The following AGBL3 variants were observed in gnomAD, a reference collection of about 807,000 sequenced individuals.
AGBL3 encodes AGBL carboxypeptidase 3, also known as cytosolic carboxypeptidase 3.
In AGBL3, 68 loss-of-function variants were observed where a neutral mutation model predicts 94.5. The observed-to-expected ratio is 0.72, with a 90% CI of 0.59 to 0.88. The LOEUF is 0.88. Ranked by LOEUF, AGBL3 falls within the 40% of genes least tolerant of loss-of-function variation. The probability of loss-of-function intolerance (pLI) is 0.00; values close to 1 mark genes in which losing one functional copy is unlikely to be tolerated. For synonymous variants in AGBL3, 354 were observed against 370.7 expected, an observed-to-expected ratio of 0.95 and a Z score of 0.52; for missense variants, 934 against 1,103.8, an observed-to-expected ratio of 0.85 and a Z score of 2.18.
chr7:135,063,764 T>C (rs980622988), intron 12 of AGBL3, among the ~76,000 whole-genome samples: 3 of 152,232 alleles, frequency 2.0e-5, no homozygotes, highest in Non-Finnish European at 4.4e-5. Context: ...TAGGTTTTGT[T>C]AGGACAGCAT....
chr7:135,082,105 T>C (rs775698081), intron 15 of AGBL3, among the ~76,000 whole-genome samples: 1 of 152,144 alleles, frequency 6.6e-6, no homozygotes, highest in Non-Finnish European at 1.5e-5. Context: ...TTTACTAAAT[T>C]GCAATATAAT....
chr7:135,009,099 A>G (rs1212180486), intron 4 of AGBL3, among the ~76,000 whole-genome samples: 2 of 152,186 alleles, frequency 1.3e-5, no homozygotes, highest in African/African-American at 2.4e-5. Flanking sequence ...TTGAGTTACT[A>G]TTTGACCCAG....
rs1816110431 is a variant in AGBL3 at position 135,034,587 on chromosome 7, T to C, written c.996T>C (p.Leu332=). ...AAATACGTGTTTTGTGCCACACGCT[T>C]GCTAGGAACATGGTGTATATTTTAA... The part of the protein sequence containing the change: ...FCKIRVLCHT[L]ARNMVYILTI... Residue 332 remains leucine (L), a synonymous_variant, in exon 7 of 17, where the codon CTT becomes CTC. Coordinates refer to ENST00000436302, the MANE Select transcript of AGBL3 (RefSeq NM_178563.4). 7 of 1,551,830 alleles carry C rather than the reference T, an allele frequency of 4.5e-6. No homozygotes were observed. Among genetic ancestry groups the C allele is most frequent in the Non-Finnish European group, 6.1e-6 (7 of 1,146,994 alleles).
At chr7:135,081,847 T>C in intron 15 of AGBL3, 57 bp downstream of exon 15, 1 of 1,123,642 alleles carries the variant, frequency 8.9e-7, no homozygotes, top group Non-Finnish European at 1.3e-6. Context: ...CTGAATGTTA[T>C]TTTTCTCTCT....
chr7:135,134,516 T>C (rs1829211117), intron 16 of AGBL3, among the ~76,000 whole-genome samples: 1 of 152,138 alleles, frequency 6.6e-6, no homozygotes, highest in African/African-American at 2.4e-5. Context: ...ACAACTACTT[T>C]ACTTTTTAGT....
chr7:135,082,846 T>C (rs1821032856), intron 15 of AGBL3, among the ~76,000 whole-genome samples: 2 of 152,172 alleles, frequency 1.3e-5, no homozygotes, highest in Admixed American at 1.3e-4. Flanking sequence ...TGTGTATATA[T>C]ACATATACAT....
chr7:135,100,898 T>C (rs898854973), intron 15 of AGBL3, among the ~76,000 whole-genome samples: 11 of 152,204 alleles, frequency 7.2e-5, no homozygotes, highest in African/African-American at 2.7e-4. Context: ...TTATGTAACA[T>C]GGGAATAACA....
chr7:135,078,946 TC>T (rs1345772604), intron 13 of AGBL3, among the ~76,000 whole-genome samples: 3 of 152,196 alleles, frequency 2.0e-5, no homozygotes, highest in Admixed American at 6.5e-5. Flanking sequence ...CATCAATACA[TC>T]CCTAAAATAA....
At chr7:135,096,367 C>G (rs573503278) in intron 15 of AGBL3, among the ~76,000 whole-genome samples, 3 of 144,856 alleles carry the variant, frequency 2.1e-5, no homozygotes, top group East Asian at 2.1e-4. Flanking sequence ...GAGAGACAGA[C>G]AGACAGACAG....
chr7:135,090,448 G>T (rs980703111), intron 15 of AGBL3, among the ~76,000 whole-genome samples: 3 of 152,138 alleles, frequency 2.0e-5, no homozygotes, highest in African/African-American at 7.2e-5. Flanking sequence ...GGGACACAGG[G>T]TACTACGTCA....
chr7:135,096,520 AAG>A (rs1822746280), intron 15 of AGBL3, among the ~76,000 whole-genome samples: 1 of 139,826 alleles, frequency 7.2e-6, no homozygotes, highest in Admixed American at 7.4e-5. Context: ...AAAAAAGAAA[AAG>A]AGAAAAAAAC....
At chr7:135,101,575 GA>G (rs573751097) in intron 15 of AGBL3, among the ~76,000 whole-genome samples, 2 of 152,012 alleles carry the variant, frequency 1.3e-5, no homozygotes, top group Non-Finnish European at 2.9e-5. Flanking sequence ...CACCCGCCAA[GA>G]AAATAAAAAG....
chr7:135,075,997 C>A (rs929220793), intron 12 of AGBL3, among the ~76,000 whole-genome samples: 1 of 152,176 alleles, frequency 6.6e-6, no homozygotes, highest in Non-Finnish European at 1.5e-5. Context: ...GAACAGTTAA[C>A]TATCTAAAAG....
chr7:135,079,715 G>A (rs775639605), intron 13 of AGBL3, among the ~76,000 whole-genome samples: 22 of 150,482 alleles, frequency 1.5e-4, no homozygotes, highest in Non-Finnish European at 2.4e-4. Flanking sequence ...TGATCTGCCC[G>A]CCTTGGCCTC....
In AGBL3 at chr7:135,120,523, A is replaced by G. The variant is rs1430138147; in HGVS notation, c.2342+4912A>G. 2.6e-5 allele frequency among the ~76,000 whole-genome samples: 4 copies of G among 152,270 alleles called. 1 individual carries two copies. The highest frequency in any genetic ancestry group is 9.6e-5 in the African/African-American group (4 of 41,476). Reference sequence around the variant, plus strand: ...CTTGAAAAATGTTCACATTACCCACAGGAAGGCAGGAAAGAGAAAACAAAA... The same window carrying G: ...CTTGAAAAATGTTCACATTACCCACGGGAAGGCAGGAAAGAGAAAACAAAA... On this transcript the variant is annotated intron_variant, in intron 16 of 16. Transcript: ENST00000436302.
chr7:135,134,694 A>T, intron 16 of AGBL3, 147 bp from the exon 17 acceptor site: 2 of 728,368 alleles, frequency 2.7e-6, no homozygotes, highest in Non-Finnish European at 4.3e-6. Flanking sequence ...AGAGATGAAG[A>T]CTTCTAAATG....
intron 15 of AGBL3, among the ~76,000 whole-genome samples, chr7:135,100,619 C>T (rs983413969): frequency 5.3e-5 from 8 of 152,114 alleles, no homozygotes; most frequent in African/African-American, 1.9e-4. Context: ...TCTCTTGCCC[C>T]AGAAATATAG....
intron 8 of AGBL3, among the ~76,000 whole-genome samples, chr7:135,038,536 G>C (rs1816526389): frequency 6.6e-6 from 1 of 152,182 alleles, no homozygotes; most frequent in Admixed American, 6.5e-5. Flanking sequence ...TTGTGCCTTA[G>C]ATGAAATGGA....
At chr7:135,004,107 A>G (rs1584791812) in intron 4 of AGBL3, among the ~76,000 whole-genome samples, 1 of 151,688 alleles carries the variant, frequency 6.6e-6, no homozygotes, top group South Asian at 2.1e-4. Context: ...GGAGTTACCA[A>G]TTTGTTCTTA....
Sources: allele counts gnomAD v4.1 joint callset (sites outside exome capture counted in the v4.1 genomes callset), GRCh38; gene constraint gnomAD v4.1.1; transcripts MANE v1.5; gene names NCBI Gene and HGNC (gene_info 2026-07-23, HGNC 2026-07-21).